Variants in CARMIL1 observed in about 807,000 individuals in gnomAD.
The protein encoded by CARMIL1 is capping protein regulator and myosin 1 linker 1, also known as F-actin-uncapping protein LRRC16A.
In CARMIL1, 90 loss-of-function variants were observed where a neutral mutation model predicts 177.1. The observed-to-expected ratio is 0.51, with a 90% CI of 0.43 to 0.61. The LOEUF (loss-of-function observed/expected upper bound fraction) is 0.61, where lower values mean the gene tolerates loss of function less well. Among genes scored for constraint, CARMIL1 ranks in the 20% least tolerant of loss-of-function variants. The probability of loss-of-function intolerance (pLI) is 0.00; values close to 1 mark genes in which losing one functional copy is unlikely to be tolerated. For synonymous variants in CARMIL1, 577 were observed against 606.2 expected, an observed-to-expected ratio of 0.95 and a Z score of 0.71; for missense variants, 1,380 against 1,667.0, an observed-to-expected ratio of 0.83 and a Z score of 3.00.
intron 11 of CARMIL1, among the ~76,000 whole-genome samples, chr6:25,481,102 A>AT (rs796145326): frequency 0.034 from 4,756 of 141,436 alleles, 163 homozygotes; most frequent in African/African-American, 0.09. Flanking sequence ...TTAGTCACTT[A>AT]TTTTTTTTTT....
intron 2 of CARMIL1, among the ~76,000 whole-genome samples, chr6:25,291,911 A>G (rs912540318): frequency 6.6e-6 from 1 of 152,212 alleles, no homozygotes; most frequent in Non-Finnish European, 1.5e-5. Context: ...CTTTCCAAGT[A>G]AATAGAGACG....
At chr6:25,517,480 A>G (rs1806116002) in intron 22 of CARMIL1, 65 bp downstream of exon 22, 1 of 1,257,432 alleles carries the variant, frequency 8.0e-7, no homozygotes, top group Non-Finnish European at 1.1e-6. Context: ...TATATATGTT[A>G]CCTGTTGGGT....
chr6:25,311,517 A>G (rs1783816771), intron 2 of CARMIL1, among the ~76,000 whole-genome samples: 3 of 150,610 alleles, frequency 2.0e-5, no homozygotes. Context: ...TAGGTCTTGC[A>G]TAAGGCTGTA....
chr6:25,328,874 A>G (rs75053506), intron 2 of CARMIL1, among the ~76,000 whole-genome samples: 1,812 of 152,346 alleles, frequency 0.012, 39 homozygotes, highest in African/African-American at 0.041. Flanking sequence ...TGAGCTAGAC[A>G]AAACTTCATG....
intron 29 of CARMIL1, chr6:25,563,240 A>G (rs1198208023): frequency 5.1e-6 from 5 of 985,354 alleles, no homozygotes; most frequent in Non-Finnish European, 6.0e-6. Context: ...TGACATTTGC[A>G]TCAACGACGT....
At chr6:25,576,488 C>T (rs1812599031) in intron 29 of CARMIL1, among the ~76,000 whole-genome samples, 1 of 152,144 alleles carries the variant, frequency 6.6e-6, no homozygotes, top group South Asian at 2.1e-4. Flanking sequence ...ATGTAAATGG[C>T]CCCAGAAGAG....
chr6:25,595,866 C>T (rs1001440572), intron 32 of CARMIL1, among the ~76,000 whole-genome samples: 19 of 152,130 alleles, frequency 1.2e-4, no homozygotes, highest in African/African-American at 4.3e-4. Flanking sequence ...TCTTCAGGAG[C>T]GATACCTGGG....
At chr6:25,582,555 G>A (rs145172020) in intron 31 of CARMIL1, among the ~76,000 whole-genome samples, 21 of 152,126 alleles carry the variant, frequency 1.4e-4, no homozygotes, top group African/African-American at 5.1e-4. Flanking sequence ...GTTTTTCTTG[G>A]GACATCATCA....
At chr6:25,610,778 T>G (rs575553308) in intron 36 of CARMIL1, among the ~76,000 whole-genome samples, 21 of 152,352 alleles carry the variant, frequency 1.4e-4, no homozygotes, top group African/African-American at 5.0e-4. Flanking sequence ...GAATGCTTTC[T>G]TCCCAAATCA....
At position 25,281,127 on chromosome 6, in the gene CARMIL1, T is replaced by TGCGC. The variant is rs1554148544; in HGVS notation, c.40+1299_40+1302dup. On this transcript the variant is annotated intron_variant, in intron 1 of 36. Coordinates refer to ENST00000329474, the MANE Select transcript of CARMIL1 (RefSeq NM_017640.6). ...AATTATTCACAGACGCACGCGCGTG[T>TGCGC]GCGCGCGCGCACACACACACACACA... Among the ~76,000 whole-genome samples the TGCGC allele has an allele frequency of 1.3e-3, 159 of 127,068 alleles. 1 individual carries two copies. The highest frequency in any genetic ancestry group is 3.8e-4 in the Admixed American group (5 of 13,122). The allele number at this position is 127,068 out of a possible 152,430, so 83.4% of individuals were successfully genotyped here.
intron 29 of CARMIL1, among the ~76,000 whole-genome samples, chr6:25,565,821 C>T (rs1173003104): frequency 1.3e-5 from 2 of 152,160 alleles, no homozygotes; most frequent in African/African-American, 4.8e-5. Context: ...AGCCTGGCGA[C>T]AGAGTGAGAC....
At chr6:25,419,230 TAAGCA>T (rs1795626144) in intron 2 of CARMIL1, among the ~76,000 whole-genome samples, 1 of 152,254 alleles carries the variant, frequency 6.6e-6, no homozygotes, top group African/African-American at 2.4e-5. Context: ...ACTTGCTAAA[TAAGCA>T]CCACTTGCTA....
intron 2 of CARMIL1, among the ~76,000 whole-genome samples, chr6:25,378,803 T>A (rs576337400): frequency 7.0e-6 from 1 of 141,938 alleles, no homozygotes; most frequent in South Asian, 2.2e-4. Context: ...AAAAAAAAAT[T>A]CACAGTGTGA....
At chr6:25,485,722 A>G (rs1376883308) in intron 12 of CARMIL1, among the ~76,000 whole-genome samples, 1 of 152,258 alleles carries the variant, frequency 6.6e-6, no homozygotes, top group Non-Finnish European at 1.5e-5. Context: ...GGCATGAGCC[A>G]CCATGCCTGG....
intron 2 of CARMIL1, among the ~76,000 whole-genome samples, chr6:25,307,728 G>A (rs1783388275): frequency 1.3e-5 from 2 of 152,194 alleles, no homozygotes. Context: ...GAAGAGAATC[G>A]CTATTGTTAG....
chr6:25,333,521 G>A (rs1233077875), intron 2 of CARMIL1, among the ~76,000 whole-genome samples: 1 of 152,216 alleles, frequency 6.6e-6, no homozygotes, highest in Non-Finnish European at 1.5e-5. Flanking sequence ...AGCCAAGATT[G>A]TGCCACTGCG....
intron 2 of CARMIL1, among the ~76,000 whole-genome samples, chr6:25,315,985 G>A (rs1159263189): frequency 2.6e-5 from 4 of 152,198 alleles, no homozygotes; most frequent in Admixed American, 1.3e-4. Context: ...AACACTGTAA[G>A]CCTACCCTAT....
At chr6:25,540,661 C>T (rs1216229899) in intron 26 of CARMIL1, among the ~76,000 whole-genome samples, 1 of 152,104 alleles carries the variant, frequency 6.6e-6, no homozygotes, top group Admixed American at 6.5e-5. Flanking sequence ...CTTAAAGTAA[C>T]TTCAAGAAAC....
At chr6:25,340,689 AG>A (rs1028894841) in intron 2 of CARMIL1, among the ~76,000 whole-genome samples, 2 of 150,464 alleles carry the variant, frequency 1.3e-5, no homozygotes, top group African/African-American at 4.9e-5. Flanking sequence ...ACATGCTACG[AG>A]GGGAAATCCA....
Sources: allele counts gnomAD v4.1 joint callset (sites outside exome capture counted in the v4.1 genomes callset), GRCh38; gene constraint gnomAD v4.1.1; transcripts MANE v1.5; gene names NCBI Gene and HGNC (gene_info 2026-07-23, HGNC 2026-07-21).